Variants in LRBA observed in about 807,000 individuals in gnomAD.
LRBA encodes LPS responsive beige-like anchor protein, also known as lipopolysaccharide-responsive and beige-like anchor protein.
A neutral mutation model predicts 330.0 loss-of-function variants in LRBA; 176 were observed. That is an observed-to-expected ratio of 0.53 (90% confidence interval 0.47 to 0.60). The LOEUF (loss-of-function observed/expected upper bound fraction) is 0.60. LRBA is among the 20% of genes least tolerant of loss of function. The pLI is 0.00. For missense variants in LRBA, 3,259 were observed against 3,444.8 expected (o/e 0.95, Z 1.35); for synonymous variants, 1,230 against 1,193.0 (o/e 1.03, Z -0.64).
chr4:150,653,781 C>T (rs953093382), intron 37 of LRBA, among the ~76,000 whole-genome samples: 1 of 152,042 alleles, frequency 6.6e-6, no homozygotes, highest in Non-Finnish European at 1.5e-5. Context: ...TCTTAGTTTC[C>T]AATACCATTA....
intron 40 of LRBA, among the ~76,000 whole-genome samples, chr4:150,556,515 G>A (rs931677670): frequency 2.0e-5 from 3 of 152,148 alleles, no homozygotes; most frequent in African/African-American, 4.8e-5. Context: ...TATATACATA[G>A]TTACACAGAA....
At chr4:150,553,043 T>C (rs1425813966) in intron 40 of LRBA, among the ~76,000 whole-genome samples, 7 of 148,634 alleles carry the variant, frequency 4.7e-5, no homozygotes, top group African/African-American at 7.5e-5. Context: ...CACTCCAGCC[T>C]GGGCGACAGA....
chr4:150,729,563 C>T (rs930389434), intron 36 of LRBA, among the ~76,000 whole-genome samples: 5 of 151,808 alleles, frequency 3.3e-5, no homozygotes, highest in Admixed American at 2.6e-4. Flanking sequence ...TTAAAATATC[C>T]ATATTAAACA....
intron 8 of LRBA, 112 bp downstream of exon 8, chr4:150,915,496 C>T (rs1732485695): frequency 1.8e-5 from 16 of 873,478 alleles, no homozygotes; most frequent in Non-Finnish European, 2.5e-5. Flanking sequence ...TTATAAAAAT[C>T]TACCATTGTA....
intron 30 of LRBA, among the ~76,000 whole-genome samples, chr4:150,823,628 C>G (rs1183754054): frequency 6.6e-6 from 1 of 151,880 alleles, no homozygotes; most frequent in Non-Finnish European, 1.5e-5. Context: ...CCATTTTGAA[C>G]TGATTTTTGT....
intron 40 of LRBA, among the ~76,000 whole-genome samples, chr4:150,533,524 C>T (rs1418507573): frequency 2.6e-5 from 4 of 151,988 alleles, no homozygotes; most frequent in African/African-American, 7.3e-5. Flanking sequence ...TATCTATTTG[C>T]TTACACTGCT....
At chr4:150,511,506 G>A (rs11940776) in intron 40 of LRBA, among the ~76,000 whole-genome samples, 1 of 151,894 alleles carries the variant, frequency 6.6e-6, no homozygotes. Flanking sequence ...TCATGCTTAA[G>A]CATCTCCCAG....
intron 31 of LRBA, among the ~76,000 whole-genome samples, chr4:150,816,739 C>T (rs980732047): frequency 1.3e-5 from 2 of 151,452 alleles, no homozygotes; most frequent in African/African-American, 4.8e-5. Context: ...TATTTGACAA[C>T]CAGTAACCAC....
intron 35 of LRBA, among the ~76,000 whole-genome samples, chr4:150,759,185 G>C (rs1734735680): frequency 6.6e-6 from 1 of 152,136 alleles, no homozygotes; most frequent in African/African-American, 2.4e-5. Flanking sequence ...GAAAGTGCTG[G>C]GATTACAGGT....
chr4:150,709,669 A>C (rs1031442102), intron 36 of LRBA, among the ~76,000 whole-genome samples: 4 of 152,050 alleles, frequency 2.6e-5, no homozygotes, highest in African/African-American at 9.6e-5. Context: ...ATATGTTATG[A>C]ATAGACATAG....
chr4:150,594,533 A>G (rs545218940), intron 38 of LRBA, among the ~76,000 whole-genome samples: 1 of 152,200 alleles, frequency 6.6e-6, no homozygotes, highest in African/African-American at 2.4e-5. Flanking sequence ...TTAAAGCTCA[A>G]TTCAGATATT....
chr4:150,697,142 T>A (rs1182237134), intron 36 of LRBA, among the ~76,000 whole-genome samples: 13 of 150,178 alleles, frequency 8.7e-5, no homozygotes, highest in Admixed American at 1.3e-4. Context: ...CTGGTCAAGA[T>A]GGTGAAACCC....
rs553797358 is a variant in LRBA, at chr4:150,846,316, G to A, written c.4340-1537C>T. Among the ~76,000 whole-genome samples the A allele has an allele frequency of 3.3e-5, 5 of 152,196 alleles. No individual in the cohort carries two copies. The South Asian group carries it at 1.0e-3, about 32-fold the overall frequency. On this transcript the variant is annotated intron_variant, in intron 26 of 56. Coordinates refer to ENST00000651943, the MANE Select transcript of LRBA (RefSeq NM_001364905.1). ...GAGGCCGAGGCGGGGGGATCACAAG[G>A]TCAGGAGATCGAGACCATGCTGGTC...
intron 17 of LRBA, among the ~76,000 whole-genome samples, chr4:150,877,031 A>T (rs111864201): frequency 0.058 from 8,816 of 152,136 alleles, 768 homozygotes; most frequent in African/African-American, 0.2. Flanking sequence ...AGGCAGGAGG[A>T]TCACGAGGTC....
chr4:150,732,683 G>A (rs1460757393), intron 36 of LRBA, among the ~76,000 whole-genome samples: 1 of 151,812 alleles, frequency 6.6e-6, no homozygotes, highest in African/African-American at 2.4e-5. Flanking sequence ...TCAGTCATAG[G>A]CATTATGTTT....
intron 13 of LRBA, 103 bp from the exon 14 acceptor site, chr4:150,900,320 G>C: frequency 1.4e-6 from 1 of 733,236 alleles, no homozygotes. Flanking sequence ...CTTCCAAAAA[G>C]TAAGATGCTG....
At chr4:151,002,084 C>A (rs1039618540) in intron 2 of LRBA, among the ~76,000 whole-genome samples, 1 of 150,408 alleles carries the variant, frequency 6.6e-6, no homozygotes, top group Non-Finnish European at 1.5e-5. Flanking sequence ...ATCATAGATA[C>A]GTCTTCAAAT....
At chr4:150,750,817 AT>A (rs143190242) in intron 35 of LRBA, among the ~76,000 whole-genome samples, 4,194 of 151,804 alleles carry the variant, frequency 0.028, 181 homozygotes, top group African/African-American at 0.096. Flanking sequence ...TAAACATTCT[AT>A]TAGAATTATA....
Position 150,583,266 on chromosome 4 carries a change from C to T in LRBA, c.6330+4782G>A. On this transcript the variant is annotated intron_variant, in intron 40 of 56. Coordinates refer to ENST00000651943, the MANE Select transcript of LRBA (RefSeq NM_001364905.1). This position sits in a 1 kb window ranked among gnomAD's most constrained non-coding sequence, Gnocchi z 9.8. ...CCACCGAATTTGAGGTGGTGCTCTA[C>T]CTAAACCAGATGGGCGTCTTCAACT... 6.2e-7 allele frequency: 1 copy of T among 1,614,228 alleles called. No individual in the cohort carries two copies. The highest frequency in any genetic ancestry group is 1.1e-5 in the South Asian group (1 of 91,084).
Sources: gnomAD v4.1 joint callset for allele counts (sites outside exome capture counted in the v4.1 genomes callset) on GRCh38, gnomAD v4.1.1 for gene constraint, Gnocchi (gnomAD v3.1) non-coding constraint, MANE v1.5 for transcripts, NCBI Gene and HGNC (gene_info 2026-07-23, HGNC 2026-07-21) for gene names.